The following EYA1 variants were observed in gnomAD, a reference collection of about 807,000 sequenced individuals.
EYA1 encodes EYA transcriptional coactivator and phosphatase 1, also known as protein phosphatase EYA1.
EYA1 carries 16 observed loss-of-function variants against 82.0 expected under a neutral mutation model. The ratio of observed to expected loss-of-function variants is 0.20; its 90% CI spans 0.13 to 0.30. EYA1 has a LOEUF of 0.30. Among genes scored for constraint, EYA1 ranks in the 10% least tolerant of loss-of-function variants. The pLI is 1.00. For missense variants in EYA1, 633 were observed against 730.7 expected, an observed-to-expected ratio of 0.87 and a Z score of 1.54; for synonymous variants, 261 against 264.4, an observed-to-expected ratio of 0.99 and a Z score of 0.12.
intron 4 of EYA1, among the ~76,000 whole-genome samples, chr8:71,327,140 G>A (rs934434689): frequency 5.3e-5 from 8 of 152,024 alleles, no homozygotes; most frequent in African/African-American, 9.7e-5. Flanking sequence ...TGTATTATCC[G>A]TCTCTCCCAA....
chr8:71,287,908 A>G (rs1232216262), intron 9 of EYA1, among the ~76,000 whole-genome samples: 1 of 152,226 alleles, frequency 6.6e-6, no homozygotes, highest in Non-Finnish European at 1.5e-5. Context: ...TTTCATTCTC[A>G]TAGTCATCCT....
Position 71,225,023 on chromosome 8 carries a change from A to T in EYA1, c.1141-8000T>A, listed in dbSNP as rs950315291. On this transcript the variant is annotated intron_variant, in intron 12 of 17. Coordinates refer to ENST00000340726, the MANE Select transcript of EYA1 (RefSeq NM_000503.6). The stretch of plus-strand genomic sequence containing the variant: ...GCTGACAATTTGATTTGGTACATCA[A>T]GTGTAGGCTCCGTGATAAAGACCCT... 3.5e-5 allele frequency: 9 copies of T among 253,560 alleles called. No individual in the cohort carries two copies. In the Admixed American group the frequency reaches 3.9e-4, roughly 11 times the overall value. 15.7% of individuals were successfully genotyped at this position (253,560 alleles called of 1,614,324 possible). A position where few individuals can be genotyped will look rare whatever the true frequency, so the allele number is the denominator to read the frequency against.
At chr8:71,505,686 A>G (rs1420861837) in intron 2 of EYA1, among the ~76,000 whole-genome samples, 1 of 152,202 alleles carries the variant, frequency 6.6e-6, no homozygotes, top group African/African-American at 2.4e-5. Context: ...TGGCCTGCTC[A>G]TTCCAGAAAT....
At chr8:71,430,406 G>A (rs1169672741) in intron 2 of EYA1, among the ~76,000 whole-genome samples, 6 of 152,134 alleles carry the variant, frequency 3.9e-5, no homozygotes, top group South Asian at 2.1e-4. Flanking sequence ...CAATCTGTTC[G>A]CTATACTTGA....
At chr8:71,466,134 T>A (rs183410059) in intron 2 of EYA1, among the ~76,000 whole-genome samples, 15 of 152,264 alleles carry the variant, frequency 9.9e-5, no homozygotes, top group African/African-American at 3.1e-4. Flanking sequence ...GATGGGGAGA[T>A]TAGTACTGAA....
At chr8:71,494,886 G>A (rs540530215) in intron 2 of EYA1, among the ~76,000 whole-genome samples, 2 of 151,694 alleles carry the variant, frequency 1.3e-5, no homozygotes, top group Admixed American at 1.3e-4. Context: ...AAGCAGAAAC[G>A]GAACTGTAAG....
chr8:71,254,286 T>C (rs1048846252), intron 11 of EYA1, among the ~76,000 whole-genome samples: 1 of 130,718 alleles, frequency 7.7e-6, no homozygotes, highest in African/African-American at 2.9e-5. Flanking sequence ...AAACTGAATC[T>C]AACTAAGCAA....
At chr8:71,462,306 G>A (rs1808419532) in intron 2 of EYA1, among the ~76,000 whole-genome samples, 1 of 152,136 alleles carries the variant, frequency 6.6e-6, no homozygotes, top group Non-Finnish European at 1.5e-5. Flanking sequence ...GGTGGCAGGG[G>A]ACTGGCGTGC....
At chr8:71,503,532 A>G (rs1811972522) in intron 2 of EYA1, among the ~76,000 whole-genome samples, 3 of 152,262 alleles carry the variant, frequency 2.0e-5, no homozygotes, top group East Asian at 1.9e-4. Context: ...GATGTCCAGA[A>G]TAAAGATCTC....
chr8:71,438,880 G>C (rs1806197612), intron 2 of EYA1, among the ~76,000 whole-genome samples: 1 of 152,186 alleles, frequency 6.6e-6, no homozygotes, highest in East Asian at 1.9e-4. Context: ...GAATGTCTTT[G>C]TGGATCTGAC....
chr8:71,522,345 A>G (rs1813466890), intron 2 of EYA1, among the ~76,000 whole-genome samples: 1 of 152,216 alleles, frequency 6.6e-6, no homozygotes, highest in African/African-American at 2.4e-5. Context: ...TTTTCTATGC[A>G]GGAGTCTCCA....
At position 71,304,366 on chromosome 8, in the gene EYA1, C is replaced by T. The variant is rs1178647637; in HGVS notation, c.557-4646G>A. ...CCCAGGCACCTGGCTCCAGAACTGA[C>T]GCTCTTAATCTCTATAGTAAATTGC... On this transcript the variant is annotated intron_variant, in intron 7 of 17. Coordinates refer to ENST00000340726, the MANE Select transcript of EYA1 (RefSeq NM_000503.6). Among the ~76,000 whole-genome samples the T allele has an allele frequency of 3.5e-5, 5 of 142,746 alleles. 2 individuals carry two copies. Among genetic ancestry groups the T allele is most frequent in the Admixed American group, 1.4e-4 (2 of 14,366 alleles). The allele number at this position is 142,746 out of a possible 152,430, so 93.6% of individuals were successfully genotyped here. A position where few individuals can be genotyped will look rare whatever the true frequency, so the allele number is the denominator to read the frequency against.
At chr8:71,499,734 G>C (rs1254063067) in intron 2 of EYA1, among the ~76,000 whole-genome samples, 1 of 152,158 alleles carries the variant, frequency 6.6e-6, no homozygotes, top group African/African-American at 2.4e-5. Context: ...TAAAATGTGG[G>C]GTAAGAAATG....
At chr8:71,445,795 C>A (rs912137025) in intron 2 of EYA1, among the ~76,000 whole-genome samples, 1 of 152,164 alleles carries the variant, frequency 6.6e-6, no homozygotes, top group Non-Finnish European at 1.5e-5. Context: ...CCCACCACCA[C>A]GCCCACCTCG....
chr8:71,434,075 T>G (rs1563610246), intron 2 of EYA1, among the ~76,000 whole-genome samples: 1 of 152,098 alleles, frequency 6.6e-6, no homozygotes, highest in Non-Finnish European at 1.5e-5. Flanking sequence ...GGATGTGAGG[T>G]GTGAAAGGAG....
chr8:71,373,563 C>G (rs1467358112), intron 2 of EYA1, among the ~76,000 whole-genome samples: 1 of 152,000 alleles, frequency 6.6e-6, no homozygotes, highest in Non-Finnish European at 1.5e-5. Context: ...CAGTACTACT[C>G]AAAGCAACCT....
chr8:71,487,167 T>C (rs1810636839), intron 2 of EYA1, among the ~76,000 whole-genome samples: 2 of 151,872 alleles, frequency 1.3e-5, no homozygotes, highest in South Asian at 4.2e-4. Context: ...TGAGACTAAG[T>C]ATTTGAAGTG....
At chr8:71,383,837 G>T (rs1448936064) in intron 2 of EYA1, among the ~76,000 whole-genome samples, 4 of 151,810 alleles carry the variant, frequency 2.6e-5, no homozygotes, top group African/African-American at 2.4e-5. Flanking sequence ...GAAAAGAAAA[G>T]ATTTGGAGAA....
At chr8:71,276,366 A>G (rs1817174514) in intron 9 of EYA1, among the ~76,000 whole-genome samples, 1 of 152,158 alleles carries the variant, frequency 6.6e-6, no homozygotes, top group African/African-American at 2.4e-5. Flanking sequence ...ATGCCCTCCA[A>G]GCTGATAAAT....
Sources: allele counts gnomAD v4.1 joint callset (sites outside exome capture counted in the v4.1 genomes callset), GRCh38; gene constraint gnomAD v4.1.1; transcripts MANE v1.5; gene names NCBI Gene and HGNC (gene_info 2026-07-23, HGNC 2026-07-21).